The following PTPRN2 variants were observed in gnomAD, a reference collection of about 807,000 sequenced individuals.
PTPRN2 encodes receptor-type tyrosine-protein phosphatase N2.
PTPRN2 carries 74 observed loss-of-function variants against 118.8 expected under a neutral mutation model. That is an observed-to-expected ratio of 0.62 (90% confidence interval 0.52 to 0.76). The LOEUF (loss-of-function observed/expected upper bound fraction) is 0.76, where lower values mean the gene tolerates loss of function less well. PTPRN2 is among the 30% of genes least tolerant of loss of function. PTPRN2 has a pLI of 0.00. For synonymous variants in PTPRN2, 641 were observed against 608.0 expected, an observed-to-expected ratio of 1.05 and a Z score of -0.80; for missense variants, 1,481 against 1,394.4, an observed-to-expected ratio of 1.06 and a Z score of -0.99.
Position 158,162,449 on chromosome 7 carries a change from G to A in PTPRN2, c.910+4482C>T, listed in dbSNP as rs751407042. Among the ~76,000 whole-genome samples the A allele has an allele frequency of 1.8e-4, 27 of 152,124 alleles. 1 individual carries two copies. Among genetic ancestry groups the A allele is most frequent in the African/African-American group, 2.9e-4 (12 of 41,496 alleles). On this transcript the variant is annotated intron_variant, in intron 6 of 22. Coordinates refer to ENST00000389418, the MANE Select transcript of PTPRN2 (RefSeq NM_002847.5). ...CAGCACTAAAGAGAAATGAGCCATC[G>A]AGCCATGAAAAGATGGGGGAATCTT...
chr7:157,706,506 C>T (rs1448208353), intron 12 of PTPRN2, among the ~76,000 whole-genome samples: 2 of 151,940 alleles, frequency 1.3e-5, no homozygotes, highest in African/African-American at 4.8e-5. Flanking sequence ...ACAGGGACCA[C>T]ATCCCTCTAG....
chr7:158,274,962 C>G (rs1322311062), intron 3 of PTPRN2, among the ~76,000 whole-genome samples: 1 of 152,234 alleles, frequency 6.6e-6, no homozygotes, highest in Non-Finnish European at 1.5e-5. Context: ...AAATCCACCA[C>G]AGATCAACTC....
intron 12 of PTPRN2, among the ~76,000 whole-genome samples, chr7:157,721,373 T>C (rs141842521): frequency 6.6e-6 from 1 of 152,350 alleles, no homozygotes; most frequent in East Asian, 1.9e-4. Flanking sequence ...ATGAGCAATG[T>C]TGTAATGAAC....
intron 2 of PTPRN2, among the ~76,000 whole-genome samples, chr7:158,327,015 AC>A (rs1803641851): frequency 6.6e-6 from 1 of 151,726 alleles, no homozygotes; most frequent in Admixed American, 6.6e-5. Flanking sequence ...ATGCATTCTC[AC>A]ATATATACAC....
chr7:157,837,581 T>C (rs1385813769), intron 12 of PTPRN2, among the ~76,000 whole-genome samples: 1 of 151,940 alleles, frequency 6.6e-6, no homozygotes, highest in Non-Finnish European at 1.5e-5. Context: ...ACCCTGGGCT[T>C]GACAGCCTCT....
intron 2 of PTPRN2, among the ~76,000 whole-genome samples, chr7:158,323,390 G>A (rs1436412932): frequency 6.6e-6 from 1 of 152,224 alleles, no homozygotes; most frequent in Non-Finnish European, 1.5e-5. Flanking sequence ...GCAGACAGAA[G>A]GCTGGACCCC....
intron 2 of PTPRN2, among the ~76,000 whole-genome samples, chr7:158,341,206 T>A (rs1374334893): frequency 6.8e-6 from 1 of 147,364 alleles, no homozygotes; most frequent in East Asian, 2.0e-4. Context: ...AGGTAACACC[T>A]GCAGACGTCA....
chr7:158,460,716 CGGTCCCATGGGAAAGTCAAGCCAT>C lies in PTPRN2; in HGVS notation c.163+28995_163+29018del, dbSNP rs574024935. On this transcript the variant is annotated intron_variant, in intron 2 of 22. Transcript: ENST00000389418. Reference sequence around the variant, plus strand: ...GAGAATTCATCTGCTCTGTCCTGCACGGTCCCATGGGAAAGTCAAGCCATGGCCCCAGCTCCCTTCCTCAACCAT... The same window carrying C: ...GAGAATTCATCTGCTCTGTCCTGCACGGCCCCAGCTCCCTTCCTCAACCAT... 5.2e-3 allele frequency among the ~76,000 whole-genome samples: 788 copies of C among 152,360 alleles called. 2 individuals carry two copies. Among genetic ancestry groups the C allele is most frequent in the Middle Eastern group, 0.024 (7 of 294 alleles).
At chr7:157,543,335 C>A (rs1798102714) in intron 22 of PTPRN2, among the ~76,000 whole-genome samples, 1 of 152,262 alleles carries the variant, frequency 6.6e-6, no homozygotes, top group Admixed American at 6.5e-5. Flanking sequence ...CCCACGGCTT[C>A]TTCCAGTAGA....
chr7:158,252,434 A>G (rs1796746349), intron 3 of PTPRN2, among the ~76,000 whole-genome samples: 1 of 152,150 alleles, frequency 6.6e-6, no homozygotes, highest in African/African-American at 2.4e-5. Context: ...AGGCAGACCC[A>G]AGCATACTGC....
intron 6 of PTPRN2, among the ~76,000 whole-genome samples, chr7:158,140,890 T>C (rs1563497395): frequency 1.3e-5 from 2 of 152,210 alleles, no homozygotes; most frequent in Non-Finnish European, 1.5e-5. Flanking sequence ...AACCTGACTT[T>C]CTTTTGTATT....
rs143535391 is a variant in PTPRN2, at chr7:157,946,566, G to C, written c.1724-47829C>G. The stretch of plus-strand genomic sequence containing the variant: ...GCTCCTGAGGGCACGTAAGCTTGCA[G>C]GAACAGGATGATCCTCCACCGGCTG... On this transcript the variant is annotated intron_variant, in intron 11 of 22. Transcript: ENST00000389418. Among the ~76,000 whole-genome samples the C allele has an allele frequency of 3.0e-3, 453 of 152,326 alleles. 12 individuals carry two copies. The South Asian group carries it at 0.045, about 15-fold the overall frequency.
chr7:157,558,186 A>G (rs953187607), intron 21 of PTPRN2, among the ~76,000 whole-genome samples: 2 of 152,020 alleles, frequency 1.3e-5, no homozygotes, highest in Non-Finnish European at 2.9e-5. Flanking sequence ...CGCGGTGCCC[A>G]CCGCAGTTTG....
At chr7:158,341,760 C>T (rs1297719055) in intron 2 of PTPRN2, among the ~76,000 whole-genome samples, 22 of 146,302 alleles carry the variant, frequency 1.5e-4, no homozygotes, top group Non-Finnish European at 2.1e-4. Context: ...ACACTCTCAC[C>T]ATAAGAGCTG....
At chr7:158,085,203 T>A (rs374228161) in intron 10 of PTPRN2, among the ~76,000 whole-genome samples, 155 of 56,444 alleles carry the variant, frequency 2.7e-3, no homozygotes, top group East Asian at 3.4e-3. Context: ...ATCCACACCC[T>A]TGACGCCCAT....
chr7:157,707,816 T>C (rs1388606879), intron 12 of PTPRN2, among the ~76,000 whole-genome samples: 2 of 152,210 alleles, frequency 1.3e-5, no homozygotes, highest in African/African-American at 4.8e-5. Flanking sequence ...GCCAGGATGG[T>C]CTTGACCTTG....
Position 157,618,930 on chromosome 7 carries a change from G to A in PTPRN2, c.2344+2432C>T, listed in dbSNP as rs1204150965. ...GGCAGCTTCTTTCTGGCTCCAGTGC[G>A]AGTCTCGGGAGGGAGGTGCTTTCCC... On this transcript the variant is annotated intron_variant, in intron 15 of 22. Coordinates refer to ENST00000389418, the MANE Select transcript of PTPRN2 (RefSeq NM_002847.5). The surrounding 1 kb of genome is among the most constrained non-coding windows in gnomAD (Gnocchi z 4.2). Among the ~76,000 whole-genome samples, 5 of 152,036 alleles carry A rather than the reference G, an allele frequency of 3.3e-5. No individual in the cohort carries two copies. The highest frequency in any genetic ancestry group is 1.3e-4 in the Admixed American group (2 of 15,280).
At chr7:157,735,940 C>T (rs1800270058) in intron 12 of PTPRN2, among the ~76,000 whole-genome samples, 2 of 152,246 alleles carry the variant, frequency 1.3e-5, no homozygotes. Context: ...ATTCTCCAGG[C>T]CCTTTCTGAG....
At chr7:157,854,884 C>A in intron 12 of PTPRN2, 1 of 169,812 alleles carries the variant, frequency 5.9e-6, no homozygotes, top group South Asian at 9.8e-5. Context: ...AGGTATGCAT[C>A]GGGGAGGCTG....
Sources: allele counts gnomAD v4.1 joint callset (sites outside exome capture counted in the v4.1 genomes callset), GRCh38; gene constraint gnomAD v4.1.1; non-coding constraint Gnocchi (gnomAD v3.1); transcripts MANE v1.5; gene names NCBI Gene and HGNC (gene_info 2026-07-23, HGNC 2026-07-21).